The following SORCS2 variants were observed in gnomAD, a reference collection of about 807,000 sequenced individuals.
The protein encoded by SORCS2 is VPS10 domain-containing receptor SorCS2.
SORCS2 carries 100 observed loss-of-function variants against 141.6 expected under a neutral mutation model. The observed-to-expected ratio is 0.71, with a 90% CI of 0.60 to 0.83. SORCS2 has a LOEUF of 0.83. Among genes scored for constraint, SORCS2 ranks in the 40% least tolerant of loss-of-function variants. The pLI, the probability that SORCS2 is intolerant of heterozygous loss-of-function variation, is 0.00. For synonymous variants in SORCS2, 789 were observed against 676.9 expected (o/e 1.17, Z -2.57); for missense variants, 1,646 against 1,560.2 (o/e 1.05, Z -0.93).
At chr4:7,450,696 T>C (rs1012025102) in intron 2 of SORCS2, among the ~76,000 whole-genome samples, 1 of 152,198 alleles carries the variant, frequency 6.6e-6, no homozygotes, top group African/African-American at 2.4e-5. Context: ...ACTGAATGAA[T>C]CTGAGTGAGT....
At chr4:7,711,939 T>C (rs2109034239) in intron 14 of SORCS2, among the ~76,000 whole-genome samples, 1 of 152,236 alleles carries the variant, frequency 6.6e-6, no homozygotes, top group East Asian at 1.9e-4. Context: ...TTCTCGGTCA[T>C]GGAGCTACCT....
chr4:7,326,845 G>A (rs1157932107), intron 1 of SORCS2, among the ~76,000 whole-genome samples: 1 of 152,268 alleles, frequency 6.6e-6, no homozygotes, highest in East Asian at 1.9e-4. Flanking sequence ...GGACAGGGCA[G>A]CTCCAGGGCT....
At chr4:7,604,844 A>T (rs1717959166) in intron 3 of SORCS2, among the ~76,000 whole-genome samples, 1 of 152,148 alleles carries the variant, frequency 6.6e-6, no homozygotes, top group African/African-American at 2.4e-5. Context: ...TACAACAAAG[A>T]TGTCACCCCC....
At chr4:7,707,725 G>C (rs1244118374) in intron 14 of SORCS2, among the ~76,000 whole-genome samples, 1 of 152,246 alleles carries the variant, frequency 6.6e-6, no homozygotes. Flanking sequence ...ACCAGGCATG[G>C]AAGAGGCGCT....
chr4:7,329,717 A>G (rs73077856), intron 1 of SORCS2, among the ~76,000 whole-genome samples: 4,442 of 152,320 alleles, frequency 0.029, 229 homozygotes, highest in African/African-American at 0.1. Context: ...CCAACTTACA[A>G]TGGCTCAACT....
chr4:7,456,781 G>C (rs565007330), intron 2 of SORCS2, among the ~76,000 whole-genome samples: 1 of 152,158 alleles, frequency 6.6e-6, no homozygotes, highest in African/African-American at 2.4e-5. Flanking sequence ...CAGGGGTAGG[G>C]GGGTGGAGGG....
intron 2 of SORCS2, among the ~76,000 whole-genome samples, chr4:7,443,360 T>C (rs1217595513): frequency 6.6e-6 from 1 of 152,142 alleles, no homozygotes; most frequent in African/African-American, 2.4e-5. Context: ...CACCCGGGTG[T>C]TTGTGGAGCA....
intron 2 of SORCS2, among the ~76,000 whole-genome samples, chr4:7,398,450 C>T (rs1356248382): frequency 2.0e-5 from 3 of 152,208 alleles, no homozygotes; most frequent in South Asian, 2.1e-4. Context: ...CAGTTTTTCT[C>T]CAAAGCAAAT....
chr4:7,377,637 G>A (rs1409353253), intron 1 of SORCS2, among the ~76,000 whole-genome samples: 1 of 152,188 alleles, frequency 6.6e-6, no homozygotes, highest in Non-Finnish European at 1.5e-5. Context: ...GCCCTGATGT[G>A]ATGGCGGCAG....
intron 1 of SORCS2, among the ~76,000 whole-genome samples, chr4:7,241,308 G>A (rs1560134143): frequency 6.6e-6 from 1 of 152,184 alleles, no homozygotes; most frequent in Non-Finnish European, 1.5e-5. Flanking sequence ...TAAGGTCCCT[G>A]CTTGTCCAGG....
In SORCS2 at chr4:7,473,351, G is replaced by C. The variant is rs1441444438; in HGVS notation, c.549-58179G>C. On this transcript the variant is annotated intron_variant, in intron 2 of 26. Coordinates refer to ENST00000507866, the MANE Select transcript of SORCS2 (RefSeq NM_020777.3). ...GCCCTCAGCCCAGGGGCAATTGGGTGCCTACAGGGACCCTGGTAATGTGGG... is the reference window on the plus strand; with the variant it reads ...GCCCTCAGCCCAGGGGCAATTGGGTCCCTACAGGGACCCTGGTAATGTGGG... Among the ~76,000 whole-genome samples the C allele has an allele frequency of 1.2e-4, 18 of 152,324 alleles. No individual in the cohort carries two copies. The South Asian group carries it at 1.2e-3, about 11-fold the overall frequency.
At chr4:7,279,511 C>T (rs1055038229) in intron 1 of SORCS2, among the ~76,000 whole-genome samples, 8 of 152,210 alleles carry the variant, frequency 5.3e-5, no homozygotes, top group African/African-American at 1.4e-4. Context: ...TTACTTGTAA[C>T]GGCTCAAAAT....
chr4:7,389,249 T>G (rs142346083), intron 1 of SORCS2, among the ~76,000 whole-genome samples: 5 of 152,336 alleles, frequency 3.3e-5, no homozygotes, highest in African/African-American at 1.2e-4. Context: ...AGTGTAACTC[T>G]TTAAGAACAG....
At chr4:7,454,066 G>A in intron 2 of SORCS2, among the ~76,000 whole-genome samples, 1 of 123,094 alleles carries the variant, frequency 8.1e-6, no homozygotes, top group Middle Eastern at 5.5e-3. Context: ...GTCAGGAGCT[G>A]TGTGTTGGGG....
chr4:7,239,676 T>C (rs1712552240), intron 1 of SORCS2, among the ~76,000 whole-genome samples: 1 of 152,214 alleles, frequency 6.6e-6, no homozygotes, highest in South Asian at 2.1e-4. Context: ...GCCCCCAGGA[T>C]AGGCCTCTTA....
intron 2 of SORCS2, among the ~76,000 whole-genome samples, chr4:7,506,467 C>T (rs1053643117): frequency 2.0e-5 from 3 of 152,182 alleles, no homozygotes; most frequent in Admixed American, 2.0e-4. Flanking sequence ...TCCATCCATT[C>T]ATCCACCCAT....
intron 2 of SORCS2, among the ~76,000 whole-genome samples, chr4:7,472,116 A>G (rs911294113): frequency 1.3e-5 from 2 of 152,196 alleles, no homozygotes; most frequent in African/African-American, 4.8e-5. Context: ...GACACTCAGG[A>G]GTGCTCTGTG....
chr4:7,502,633 G>T (rs908185667), intron 2 of SORCS2, among the ~76,000 whole-genome samples: 2 of 152,190 alleles, frequency 1.3e-5, no homozygotes, highest in African/African-American at 4.8e-5. Context: ...CTTCCCGTCT[G>T]TCTGGGACAG....
intron 1 of SORCS2, among the ~76,000 whole-genome samples, chr4:7,360,291 G>T (rs537848140): frequency 6.6e-6 from 1 of 152,340 alleles, no homozygotes; most frequent in Non-Finnish European, 1.5e-5. Flanking sequence ...GAGACTCAGA[G>T]AGGTGAGGTG....
Sources: gnomAD v4.1 joint callset for allele counts (sites outside exome capture counted in the v4.1 genomes callset) on GRCh38, gnomAD v4.1.1 for gene constraint, MANE v1.5 for transcripts, NCBI Gene and HGNC (gene_info 2026-07-23, HGNC 2026-07-21) for gene names.